NPFFR2: variants seen among roughly 807,000 people sequenced by gnomAD.
The protein encoded by NPFFR2 is G-protein coupled receptor 74.
NPFFR2 carries 15 observed loss-of-function variants against 13.1 expected under a neutral mutation model. The ratio of observed to expected loss-of-function variants is 1.15; its 90% CI spans 0.77 to 1.76. The LOEUF is 1.76. NPFFR2 is among the 40% of genes most tolerant of loss of function. The pLI is 0.00. For synonymous variants in NPFFR2, 190 were observed against 175.7 expected (o/e 1.08, Z -0.65); for missense variants, 572 against 503.5 (o/e 1.14, Z -1.30).
At chr4:72,122,926 G>A (rs1274172878) in intron 1 of NPFFR2, among the ~76,000 whole-genome samples, 2 of 152,158 alleles carry the variant, frequency 1.3e-5, no homozygotes, top group Non-Finnish European at 2.9e-5. Context: ...AGGAGATAGA[G>A]ACATGAAAAA....
chr4:72,119,646 G>A (rs1721810414), intron 1 of NPFFR2, among the ~76,000 whole-genome samples: 1 of 152,134 alleles, frequency 6.6e-6, no homozygotes, highest in Non-Finnish European at 1.5e-5. Context: ...AAGCAGGGTG[G>A]GGCATCACCC....
chr4:72,056,587 G>T (rs1353484880), intron 1 of NPFFR2, among the ~76,000 whole-genome samples: 1 of 151,914 alleles, frequency 6.6e-6, no homozygotes, highest in East Asian at 1.9e-4. Context: ...ATTTTTTAAG[G>T]CTATAAATGG....
At chr4:72,073,048 A>T (rs543745003) in intron 1 of NPFFR2, among the ~76,000 whole-genome samples, 6 of 152,096 alleles carry the variant, frequency 3.9e-5, no homozygotes. Flanking sequence ...AAAATGATTC[A>T]ACTATATGCC....
At position 72,147,929 on chromosome 4, in the gene NPFFR2, A is replaced by G; in HGVS notation, c.*117A>G. On this transcript the variant is annotated 3_prime_UTR_variant, in exon 4 of 4. Coordinates refer to ENST00000308744, the MANE Select transcript of NPFFR2 (RefSeq NM_004885.3). ...ATGTTCTAAATAAAACATTTACTGA[A>G]AGCCCTCTCTGGCAAAAAAATTAAA... 1 of 790,748 alleles carries G rather than the reference A, an allele frequency of 1.3e-6. No homozygotes were observed. The highest frequency in any genetic ancestry group is 3.7e-4 in the Middle Eastern group (1 of 2,734). 49.0% of individuals were successfully genotyped at this position (790,748 alleles called of 1,614,324 possible).
rs941243879 is a variant in NPFFR2 at position 72,109,824 on chromosome 4, C to T, written c.-7-18761C>T. On this transcript the variant is annotated intron_variant, in intron 1 of 3. Coordinates refer to ENST00000308744, the MANE Select transcript of NPFFR2 (RefSeq NM_004885.3). ...CATCTCTGTCCAATGTGCAGGTGTGCCCTTGTCTTCTTCCATTAAGCTTTC... is the reference window on the plus strand; with the variant it reads ...CATCTCTGTCCAATGTGCAGGTGTGTCCTTGTCTTCTTCCATTAAGCTTTC... 2.0e-4 allele frequency among the ~76,000 whole-genome samples: 31 copies of T among 152,056 alleles called. 1 individual carries two copies. Among genetic ancestry groups the T allele is most frequent in the Admixed American group, 5.9e-4 (9 of 15,250 alleles).
At chr4:72,095,124 ATTATG>A (rs1721026394) in intron 1 of NPFFR2, among the ~76,000 whole-genome samples, 1 of 152,188 alleles carries the variant, frequency 6.6e-6, no homozygotes, top group Admixed American at 6.6e-5. Context: ...AGAAATGAAT[ATTATG>A]TTAACTATAA....
At chr4:72,109,953 C>T (rs1384643548) in intron 1 of NPFFR2, among the ~76,000 whole-genome samples, 3 of 152,022 alleles carry the variant, frequency 2.0e-5, no homozygotes, top group Non-Finnish European at 2.9e-5. Flanking sequence ...GGGAGCAATT[C>T]GCAAGACACA....
chr4:72,122,968 G>GT (rs1337260338), intron 1 of NPFFR2, among the ~76,000 whole-genome samples: 2 of 152,076 alleles, frequency 1.3e-5, no homozygotes, highest in Non-Finnish European at 2.9e-5. Context: ...CCAGGAGCTG[G>GT]TTTTTTTGAA....
chr4:72,131,049 G>GT (rs200097162), intron 2 of NPFFR2, among the ~76,000 whole-genome samples: 2,426 of 151,910 alleles, frequency 0.016, 69 homozygotes, highest in African/African-American at 0.054. Context: ...ATGCCCAGCT[G>GT]TTTTTTTTCT....
At chr4:72,039,605 C>T (rs939464605) in intron 1 of NPFFR2, among the ~76,000 whole-genome samples, 2 of 152,174 alleles carry the variant, frequency 1.3e-5, no homozygotes, top group African/African-American at 2.4e-5. Context: ...TTCTAAATGG[C>T]TGTATATAAT....
At chr4:72,097,059 T>G (rs901173920) in intron 1 of NPFFR2, among the ~76,000 whole-genome samples, 3 of 152,026 alleles carry the variant, frequency 2.0e-5, no homozygotes, top group Non-Finnish European at 2.9e-5. Context: ...CATTTTAGTT[T>G]TCTAGATAAT....
At chr4:72,032,340 C>T in intron 1 of NPFFR2, 140 bp downstream of exon 1, 2 of 948,896 alleles carry the variant, frequency 2.1e-6, no homozygotes, top group Non-Finnish European at 3.1e-6. Flanking sequence ...CCTAATTACA[C>T]AGGCACCCGC....
At position 72,147,769 on chromosome 4, in the gene NPFFR2, T is replaced by C. The variant is rs766239179; in HGVS notation, c.1220T>C (p.Val407Ala). The C allele has an allele frequency of 1.9e-6, 3 of 1,586,976 alleles. No homozygotes were observed. Among genetic ancestry groups the C allele is most frequent in the Admixed American group, 3.9e-5 (2 of 51,370 alleles). The change falls in exon 4 of 4, where the codon GTG becomes GCG. Residue 407 changes from valine (V) to alanine (A), a missense_variant. Val to Ala is a moderately conservative substitution (Grantham distance 64, BLOSUM62 0). Transcript: ENST00000308744. ...GCTGAAAAACCCCAACAGGAATTAG[T>C]GATGGAAGAATTAAAAGAAACTACT... ...KSAEKPQQEL[V>A]MEELKETTNS... is the part of the protein sequence containing the mutation.
At chr4:72,143,593 G>A (rs774075520) in intron 3 of NPFFR2, among the ~76,000 whole-genome samples, 3 of 152,030 alleles carry the variant, frequency 2.0e-5, no homozygotes, top group Admixed American at 6.6e-5. Context: ...TTTTATAGGC[G>A]CATCCAGAAA....
intron 1 of NPFFR2, among the ~76,000 whole-genome samples, chr4:72,054,287 G>A (rs1229920423): frequency 6.6e-6 from 1 of 151,898 alleles, no homozygotes; most frequent in Non-Finnish European, 1.5e-5. Flanking sequence ...GCACGGCCAT[G>A]TAGACAAACA....
chr4:72,123,790 A>G (rs1016886453), intron 1 of NPFFR2, among the ~76,000 whole-genome samples: 1 of 152,212 alleles, frequency 6.6e-6, no homozygotes, highest in African/African-American at 2.4e-5. Flanking sequence ...ATTTATGACA[A>G]ATCCACAGCA....
At chr4:72,032,428 A>G (rs962969951) in intron 1 of NPFFR2, among the ~76,000 whole-genome samples, 6 of 152,194 alleles carry the variant, frequency 3.9e-5, no homozygotes, top group African/African-American at 1.4e-4. Flanking sequence ...CCAGGCTTGC[A>G]GAGCAGGGAC....
intron 1 of NPFFR2, among the ~76,000 whole-genome samples, chr4:72,075,995 A>C (rs1427144849): frequency 0.17 from 4,221 of 24,664 alleles, 200 homozygotes; most frequent in African/African-American, 0.2. Flanking sequence ...ACACACACAC[A>C]CACACACACA....
chr4:72,043,604 C>T (rs1258321395), intron 1 of NPFFR2, among the ~76,000 whole-genome samples: 1 of 152,204 alleles, frequency 6.6e-6, no homozygotes, highest in Non-Finnish European at 1.5e-5. Flanking sequence ...TTAATAATTG[C>T]CCTATTGGAT....
Sources: gnomAD v4.1 joint callset for allele counts (sites outside exome capture counted in the v4.1 genomes callset) on GRCh38, gnomAD v4.1.1 for gene constraint, MANE v1.5 for transcripts, NCBI Gene and HGNC (gene_info 2026-07-23, HGNC 2026-07-21) for gene names.